The following NCBP3 variants were observed in gnomAD, a reference collection of about 807,000 sequenced individuals.
NCBP3 encodes nuclear cap-binding protein subunit 3.
In NCBP3, 20 loss-of-function variants were observed where a neutral mutation model predicts 75.7. The observed-to-expected ratio is 0.26, with a 90% CI of 0.19 to 0.38. The LOEUF (loss-of-function observed/expected upper bound fraction) is 0.38, where lower values mean the gene tolerates loss of function less well. NCBP3 is among the 10% of genes least tolerant of loss of function. The pLI is 1.00. For missense variants in NCBP3, 678 were observed against 796.9 expected (o/e 0.85, Z 1.80); for synonymous variants, 293 against 290.5 (o/e 1.01, Z -0.09).
At chr17:3,826,242 T>C (rs763462722) in intron 4 of NCBP3, 27 bp from the exon 5 acceptor site, 4 of 1,525,940 alleles carry the variant, frequency 2.6e-6, no homozygotes, top group Non-Finnish European at 2.6e-6. Flanking sequence ...AATAAGACAT[T>C]ACACAGCATG....
At chr17:3,824,017 T>A (rs1260887825) in intron 7 of NCBP3, 2 of 152,032 alleles carry the variant, frequency 1.3e-5, no homozygotes, top group East Asian at 3.8e-4. Flanking sequence ...AGGATAGAAG[T>A]AGTTTCAGCT....
intron 3 of NCBP3, 87 bp from the exon 4 acceptor site, chr17:3,829,455 C>T (rs1294517534): frequency 7.1e-7 from 1 of 1,399,864 alleles, no homozygotes; most frequent in African/African-American, 1.5e-5. Flanking sequence ...ATAGTTCAGA[C>T]AACACGAGTT....
chr17:3,837,009 ATGGTGGTG>A (rs2053984754), intron 3 of NCBP3, among the ~76,000 whole-genome samples: 1 of 150,944 alleles, frequency 6.6e-6, no homozygotes, highest in African/African-American at 2.4e-5. Context: ...TTAGTTGGGC[ATGGTGGTG>A]TGCGTCTGTA....
In NCBP3 at chr17:3,843,085, C is replaced by A; in HGVS notation, c.249+1G>T. ...AATAAATAAATCATAGCCTGTCTTA[C>A]CTTGGAGGTGACATCAATTCCAGTG... On this transcript the variant is annotated splice_donor_variant, in intron 2 of 12. Coordinates refer to ENST00000389005, the MANE Select transcript of NCBP3 (RefSeq NM_001114118.3). LOFTEE classifies it high-confidence loss of function. The A allele has an allele frequency of 6.5e-7, 1 of 1,550,190 alleles. No homozygotes were observed. The highest frequency in any genetic ancestry group is 1.2e-5 in the South Asian group (1 of 84,038).
chr17:3,835,428 C>T (rs916968620), intron 3 of NCBP3, among the ~76,000 whole-genome samples: 13 of 152,202 alleles, frequency 8.5e-5, no homozygotes, highest in Non-Finnish European at 2.9e-5. Flanking sequence ...CATTCAGAAA[C>T]GGCAAAGCGT....
At chr17:3,836,798 G>C (rs1412165359) in intron 3 of NCBP3, among the ~76,000 whole-genome samples, 3 of 152,092 alleles carry the variant, frequency 2.0e-5, no homozygotes, top group African/African-American at 7.2e-5. Context: ...CTAGGCTTCA[G>C]AGCTCATGCT....
In NCBP3 at chr17:3,821,252, A is replaced by C. The variant is rs1422075482; in HGVS notation, c.997T>G (p.Ser333Ala). Residue 333 changes from serine to alanine, a missense_variant, in exon 9 of 13, where the codon TCT becomes GCT. By Grantham distance (99) the Ser-to-Ala change is moderately conservative. Coordinates refer to ENST00000389005, the MANE Select transcript of NCBP3 (RefSeq NM_001114118.3). ...VGLTSYKHRH[S>A]GLVNVPEEPI... is the part of the protein sequence containing the mutation. ...CAAGAGCTGAGCAGGCAACTACCAG[A>C]ATGTCGATGTTTATACGACGTCAAG... 24 of 1,611,778 alleles carry C rather than the reference A, an allele frequency of 1.5e-5. No homozygotes were observed. The highest frequency in any genetic ancestry group is 1.6e-5 in the Non-Finnish European group (19 of 1,177,958).
intron 1 of NCBP3, 141 bp downstream of exon 1, chr17:3,845,900 C>G (rs2054156050): frequency 1.1e-5 from 11 of 1,006,826 alleles, no homozygotes; most frequent in Middle Eastern, 6.4e-4. Context: ...CCGGCGTTCC[C>G]GTTCCCAGGA....
rs2053331477 is a variant in NCBP3, at chr17:3,805,834, G to C, written c.*7210C>G. The C allele has an allele frequency of 6.6e-6, 1 of 152,350 alleles. No homozygotes were observed. The highest frequency in any genetic ancestry group is 2.4e-5 in the African/African-American group (1 of 41,446). The allele number at this position is 152,350 out of a possible 1,614,324, so 9.4% of individuals were successfully genotyped here. A position where few individuals can be genotyped will look rare whatever the true frequency, so the allele number is the denominator to read the frequency against. On this transcript the variant is annotated 3_prime_UTR_variant, in exon 13 of 13. Coordinates refer to ENST00000389005, the MANE Select transcript of NCBP3 (RefSeq NM_001114118.3). ...CTCACCCCAGTTGAGCCCTCCATTT[G>C]ACAGACAGGGAAGCTGAGGCCCAGG... is the stretch of plus-strand genomic sequence containing the variant.
chr17:3,837,334 T>A (rs1346112218), intron 3 of NCBP3, among the ~76,000 whole-genome samples: 1 of 151,536 alleles, frequency 6.6e-6, no homozygotes, highest in Non-Finnish European at 1.5e-5. Flanking sequence ...CCATCTCTAC[T>A]AAAACTACAA....
intron 1 of NCBP3, 94 bp downstream of exon 1, chr17:3,845,947 C>T: frequency 1.4e-6 from 2 of 1,388,026 alleles, no homozygotes; most frequent in Non-Finnish European, 9.7e-7. Context: ...TTGACTTCCC[C>T]GGCTGGGGCT....
rs146807719 is a variant in NCBP3 at position 3,831,587 on chromosome 17, G to A, written c.356-2219C>T. Among the ~76,000 whole-genome samples the A allele has an allele frequency of 6.7e-3, 799 of 119,760 alleles. 230 individuals are homozygous for A. Among genetic ancestry groups the A allele is most frequent in the Non-Finnish European group, 0.012 (583 of 49,426 alleles). The allele number at this position is 119,760 out of a possible 152,430, so 78.6% of individuals were successfully genotyped here. A position where few individuals can be genotyped will look rare whatever the true frequency, so the allele number is the denominator to read the frequency against. Reference sequence around the variant, plus strand: ...ACTCTGTCTCAAAAAAAAAGGGAAAGAAAAAGTAAATTTAAAATATCTATA... The same window carrying A: ...ACTCTGTCTCAAAAAAAAAGGGAAAAAAAAAGTAAATTTAAAATATCTATA... On this transcript the variant is annotated intron_variant, in intron 3 of 12. Transcript: ENST00000389005.
rs569227083 is a variant in NCBP3 at position 3,814,346 on chromosome 17, C to T, written c.1603G>A (p.Ala535Thr). 151 of 1,614,192 alleles carry T rather than the reference C, an allele frequency of 9.4e-5. No individual in the cohort carries two copies. The South Asian group carries it at 1.5e-3, about 16-fold the overall frequency. Reference sequence around the variant, plus strand: ...CCTGATTTCTTCTCCCGAGTATCGGCGTAGAGGCCTTTACTATCCTGCCTG... The same window carrying T: ...CCTGATTTCTTCTCCCGAGTATCGGTGTAGAGGCCTTTACTATCCTGCCTG... The part of the protein sequence containing the change: ...VPRQDSKGLY[A>T]DTREKKSGNL... The change falls in exon 12 of 13, where the codon GCC becomes ACC. Residue 535 changes from alanine to threonine, a missense_variant. By Grantham distance (58) the Ala-to-Thr change is moderately conservative. Transcript: ENST00000389005.
intron 7 of NCBP3, chr17:3,824,581 G>T (rs1300531585): frequency 5.9e-6 from 1 of 169,284 alleles, no homozygotes; most frequent in African/African-American, 2.4e-5. Context: ...TATGAGAAGG[G>T]AATTAGAACC....
chr17:3,835,828 G>C (rs533253376), intron 3 of NCBP3, among the ~76,000 whole-genome samples: 1 of 152,204 alleles, frequency 6.6e-6, no homozygotes, highest in African/African-American at 2.4e-5. Flanking sequence ...CAAATGTAGC[G>C]AGTCACTCTT....
intron 1 of NCBP3, among the ~76,000 whole-genome samples, chr17:3,845,510 G>A (rs1041683290): frequency 1.3e-5 from 2 of 152,054 alleles, no homozygotes; most frequent in East Asian, 1.9e-4. Context: ...GCTGCGGGGG[G>A]GGCAAGATGA....
intron 9 of NCBP3, among the ~76,000 whole-genome samples, chr17:3,820,267 T>G (rs2053637114): frequency 6.6e-6 from 1 of 152,204 alleles, no homozygotes; most frequent in Non-Finnish European, 1.5e-5. Flanking sequence ...ATTATTAACA[T>G]GTAGATCTCA....
chr17:3,819,258 C>G, intron 9 of NCBP3, among the ~76,000 whole-genome samples: 1 of 152,088 alleles, frequency 6.6e-6, no homozygotes, highest in East Asian at 1.9e-4. Context: ...AATAAGGTGT[C>G]TTAAAGAGAA....
chr17:3,811,344 C>T lies in NCBP3; in HGVS notation c.*1700G>A, dbSNP rs181242318. ...ACCTGGCTCTCAGCTGTATGCTTCA[C>T]AGGGAAAGAAAAGCTGAGAAATCTC... On this transcript the variant is annotated 3_prime_UTR_variant, in exon 13 of 13. Transcript: ENST00000389005. The T allele has an allele frequency of 9.4e-4, 143 of 152,262 alleles. No individual in the cohort carries two copies. Among genetic ancestry groups the T allele is most frequent in the African/African-American group, 3.3e-3 (139 of 41,544 alleles). 9.4% of individuals were successfully genotyped at this position (152,262 alleles called of 1,614,324 possible).
Sources: allele counts gnomAD v4.1 joint callset (sites outside exome capture counted in the v4.1 genomes callset), GRCh38; gene constraint gnomAD v4.1.1; transcripts MANE v1.5; gene names NCBI Gene and HGNC (gene_info 2026-07-23, HGNC 2026-07-21).